EPHA6: variants seen among roughly 807,000 people sequenced by gnomAD.
EPHA6 encodes the protein EPH receptor A6.
EPHA6 carries 50 observed loss-of-function variants against 112.0 expected under a neutral mutation model. The ratio of observed to expected loss-of-function variants is 0.45; its 90% confidence interval spans 0.36 to 0.56. The LOEUF is 0.56. EPHA6 is among the 20% of genes least tolerant of loss of function. The pLI, the probability that EPHA6 is intolerant of heterozygous loss-of-function variation, is 0.00. For missense variants in EPHA6, 1,280 were observed against 1,417.4 expected (o/e 0.90, Z 1.56); for synonymous variants, 529 against 490.7 (o/e 1.08, Z -1.03).
At chr3:97,510,372 TGTG>T (rs2092341917) in intron 10 of EPHA6, among the ~76,000 whole-genome samples, 1 of 152,202 alleles carries the variant, frequency 6.6e-6, no homozygotes, top group Admixed American at 6.5e-5. Flanking sequence ...GGGGTTTCTG[TGTG>T]GACATCCTTT....
intron 5 of EPHA6, among the ~76,000 whole-genome samples, chr3:97,259,803 C>CTT (rs67059864): frequency 2.5e-4 from 35 of 138,670 alleles, no homozygotes; most frequent in South Asian, 1.1e-3. Flanking sequence ...GAAAGTATAC[C>CTT]TTTTTTTTTT....
chr3:97,398,035 G>A (rs572848786), intron 5 of EPHA6, among the ~76,000 whole-genome samples: 4 of 151,522 alleles, frequency 2.6e-5, no homozygotes, highest in Admixed American at 1.3e-4. Context: ...AAATTTAGGT[G>A]ATGTAGATGT....
chr3:97,056,853 A>G (rs1242653335), intron 3 of EPHA6, among the ~76,000 whole-genome samples: 1 of 152,132 alleles, frequency 6.6e-6, no homozygotes, highest in East Asian at 1.9e-4. Context: ...TATTATTGAG[A>G]TAGGAAATTT....
At chr3:96,991,994 T>C (rs1024784554) in intron 3 of EPHA6, among the ~76,000 whole-genome samples, 1 of 152,140 alleles carries the variant, frequency 6.6e-6, no homozygotes, top group Non-Finnish European at 1.5e-5. Context: ...CCAGTTCTGC[T>C]CCCTGTGATT....
chr3:97,028,168 A>C (rs988046280), intron 3 of EPHA6, among the ~76,000 whole-genome samples: 2 of 152,170 alleles, frequency 1.3e-5, no homozygotes, highest in Non-Finnish European at 2.9e-5. Flanking sequence ...TTGTTTATAT[A>C]GAGAGGAGAA....
At chr3:97,106,886 C>T (rs908258254) in intron 3 of EPHA6, among the ~76,000 whole-genome samples, 7 of 152,088 alleles carry the variant, frequency 4.6e-5, no homozygotes, top group Non-Finnish European at 8.8e-5. Context: ...AAATTTTTCT[C>T]ATTTCAATAA....
At chr3:96,867,418 T>C (rs1008274656) in intron 2 of EPHA6, among the ~76,000 whole-genome samples, 20 of 151,924 alleles carry the variant, frequency 1.3e-4, no homozygotes, top group African/African-American at 4.8e-4. Context: ...GATGTGTAAT[T>C]TGCAAAATAT....
rs181710690 is a variant in EPHA6, at chr3:97,106,893, A to G, written c.1114+118900A>G. Among the ~76,000 whole-genome samples the G allele has an allele frequency of 1.5e-3, 225 of 152,282 alleles. 1 individual carries two copies. The highest frequency in any genetic ancestry group is 4.4e-3 in the African/African-American group (182 of 41,572). The stretch of plus-strand genomic sequence containing the variant: ...GGATAAGGAAATTTTTCTCATTTCA[A>G]TAACTTATCAAGTGTATAGAGAAAG... On this transcript the variant is annotated intron_variant, in intron 3 of 17. Transcript: ENST00000389672.
At chr3:97,655,176 T>C (rs972981767) in intron 14 of EPHA6, among the ~76,000 whole-genome samples, 5 of 150,392 alleles carry the variant, frequency 3.3e-5, no homozygotes, top group Admixed American at 2.7e-4. Context: ...TTGGGGTTTT[T>C]TGTTTCTCTA....
chr3:97,525,423 A>G (rs973611644), intron 10 of EPHA6, among the ~76,000 whole-genome samples: 13 of 151,968 alleles, frequency 8.6e-5, no homozygotes, highest in African/African-American at 3.1e-4. Context: ...GTCTATCTCT[A>G]TTTGTTGAAT....
chr3:97,538,119 A>G (rs1000978837), intron 11 of EPHA6, among the ~76,000 whole-genome samples: 3 of 152,192 alleles, frequency 2.0e-5, no homozygotes, highest in African/African-American at 7.2e-5. Flanking sequence ...GCAAAGTAAT[A>G]ATAGTGTGGA....
intron 3 of EPHA6, among the ~76,000 whole-genome samples, chr3:97,127,605 C>T (rs1422199819): frequency 6.6e-6 from 1 of 151,804 alleles, no homozygotes; most frequent in African/African-American, 2.4e-5. Context: ...CCTGTAGTTC[C>T]AGCTGCTGAG....
chr3:96,959,813 G>A (rs2041895058), intron 2 of EPHA6, among the ~76,000 whole-genome samples: 1 of 151,602 alleles, frequency 6.6e-6, no homozygotes, highest in Non-Finnish European at 1.5e-5. Context: ...AAGACAAAAA[G>A]GGAACCACTT....
intron 5 of EPHA6, 108 bp downstream of exon 5, chr3:97,244,395 A>G (rs2108582767): frequency 2.2e-6 from 2 of 899,196 alleles, no homozygotes; most frequent in East Asian, 2.4e-5. Context: ...CATATACGTT[A>G]TACACTGCAG....
In EPHA6 at chr3:96,938,773, G is replaced by T. The variant is rs377131839; in HGVS notation, c.451-48557G>T. Among the ~76,000 whole-genome samples the T allele has an allele frequency of 2.6e-5, 4 of 151,780 alleles. No individual in the cohort carries two copies. In the South Asian group the frequency reaches 8.4e-4, roughly 32 times the overall value. The stretch of plus-strand genomic sequence containing the variant: ...TCATAGATAGCTCTTATTATTTTGA[G>T]ATACGTCCCATCAATACCTAATTTA... On this transcript the variant is annotated intron_variant, in intron 2 of 17. Transcript: ENST00000389672.
intron 6 of EPHA6, among the ~76,000 whole-genome samples, chr3:97,438,854 AG>A (rs762888755): frequency 2.0e-5 from 3 of 152,174 alleles, no homozygotes; most frequent in Non-Finnish European, 4.4e-5. Flanking sequence ...CCTTTGATAT[AG>A]GTATAACCTT....
At chr3:96,948,735 T>C (rs372410969) in intron 2 of EPHA6, among the ~76,000 whole-genome samples, 1 of 152,158 alleles carries the variant, frequency 6.6e-6, no homozygotes, top group Non-Finnish European at 1.5e-5. Context: ...GAAAATCTGG[T>C]CGCAGTTCTA....
At chr3:97,500,293 T>TTTTA (rs1560074549) in intron 10 of EPHA6, among the ~76,000 whole-genome samples, 2 of 151,388 alleles carry the variant, frequency 1.3e-5, no homozygotes, top group African/African-American at 4.9e-5. Flanking sequence ...ATTTTTTTTT[T>TTTTA]AAAAAAAGAG....
chr3:97,591,871 A>G (rs2093548032), intron 11 of EPHA6, among the ~76,000 whole-genome samples: 1 of 152,086 alleles, frequency 6.6e-6, no homozygotes, highest in Admixed American at 6.6e-5. Context: ...CTTAGGTCTC[A>G]GTTTGTTGGT....
Sources: allele counts gnomAD v4.1 joint callset (sites outside exome capture counted in the v4.1 genomes callset), GRCh38; gene constraint gnomAD v4.1.1; transcripts MANE v1.5; gene names NCBI Gene and HGNC (gene_info 2026-07-23, HGNC 2026-07-21).